Variants in CCDC91 observed in about 807,000 individuals in gnomAD.
CCDC91 encodes the protein coiled-coil domain-containing protein 91.
CCDC91 carries 48 observed loss-of-function variants against 63.2 expected under a neutral mutation model. That is an observed-to-expected ratio of 0.76 (90% CI 0.60 to 0.97). CCDC91 has a LOEUF of 0.97. Among genes scored for constraint, CCDC91 ranks in the 50% least tolerant of loss-of-function variants. The pLI is 0.00. For synonymous variants in CCDC91, 167 were observed against 165.8 expected, an observed-to-expected ratio of 1.01 and a Z score of -0.06; for missense variants, 500 against 494.6, an observed-to-expected ratio of 1.01 and a Z score of -0.10.
intron 1 of CCDC91, among the ~76,000 whole-genome samples, chr12:28,218,140 A>G (rs1326889879): frequency 2.0e-5 from 3 of 152,030 alleles, no homozygotes; most frequent in Admixed American, 6.5e-5. Context: ...CACATTGCAC[A>G]TCTTTTTCCC....
At chr12:28,210,890 G>A (rs1232814016) in intron 1 of CCDC91, among the ~76,000 whole-genome samples, 2 of 151,918 alleles carry the variant, frequency 1.3e-5, no homozygotes, top group African/African-American at 4.8e-5. Flanking sequence ...TAGTTACAAA[G>A]TCAAGCTTCC....
chr12:28,389,965 T>C (rs1293973722), intron 7 of CCDC91, among the ~76,000 whole-genome samples: 1 of 152,162 alleles, frequency 6.6e-6, no homozygotes, highest in Non-Finnish European at 1.5e-5. Flanking sequence ...TTGTGGAATC[T>C]TTGGAAGACA....
At chr12:28,545,914 G>A (rs1942958089) in intron 12 of CCDC91, among the ~76,000 whole-genome samples, 1 of 152,048 alleles carries the variant, frequency 6.6e-6, no homozygotes, top group South Asian at 2.1e-4. Flanking sequence ...CTCAAAAGGA[G>A]AAAAGTTTCT....
At chr12:28,277,506 A>G (rs1307963472) in intron 3 of CCDC91, among the ~76,000 whole-genome samples, 1 of 152,026 alleles carries the variant, frequency 6.6e-6, no homozygotes, top group Non-Finnish European at 1.5e-5. Context: ...AAAATCCAAA[A>G]CTTACATGAT....
chr12:28,513,116 T>C (rs1258629609), intron 12 of CCDC91, among the ~76,000 whole-genome samples: 1 of 151,862 alleles, frequency 6.6e-6, no homozygotes, highest in Non-Finnish European at 1.5e-5. Context: ...AAGTCATAGA[T>C]CCTCAGCTAT....
intron 1 of CCDC91, among the ~76,000 whole-genome samples, chr12:28,220,373 A>C (rs1296727882): frequency 6.6e-6 from 1 of 152,132 alleles, no homozygotes; most frequent in African/African-American, 2.4e-5. Flanking sequence ...TAAGAACTTC[A>C]CAACAATATG....
intron 6 of CCDC91, among the ~76,000 whole-genome samples, chr12:28,335,332 T>A (rs538337554): frequency 2.9e-5 from 4 of 135,634 alleles, no homozygotes; most frequent in African/African-American, 8.0e-5. Flanking sequence ...TATAATATAT[T>A]ATAAATATTT....
intron 1 of CCDC91, among the ~76,000 whole-genome samples, chr12:28,241,284 C>G (rs1945318866): frequency 6.6e-6 from 1 of 152,128 alleles, no homozygotes; most frequent in East Asian, 1.9e-4. Flanking sequence ...TAAACCATAT[C>G]CTTGGTCATA....
intron 12 of CCDC91, among the ~76,000 whole-genome samples, chr12:28,487,814 G>T (rs1951803397): frequency 1.3e-5 from 2 of 151,636 alleles, no homozygotes; most frequent in South Asian, 4.2e-4. Flanking sequence ...CTTGTATTAG[G>T]TCCTACCTTT....
At chr12:28,288,733 C>T (rs1253091421) in intron 3 of CCDC91, among the ~76,000 whole-genome samples, 1 of 152,088 alleles carries the variant, frequency 6.6e-6, no homozygotes, top group Non-Finnish European at 1.5e-5. Context: ...TCCTCAGTTT[C>T]TTGGAATAGT....
intron 12 of CCDC91, among the ~76,000 whole-genome samples, chr12:28,514,257 C>A (rs1258459430): frequency 6.6e-6 from 1 of 151,918 alleles, no homozygotes; most frequent in African/African-American, 2.4e-5. Flanking sequence ...ACATGTATGT[C>A]TTCTTTTGAA....
chr12:28,519,317 T>G (rs1270145885), intron 12 of CCDC91, among the ~76,000 whole-genome samples: 3 of 151,978 alleles, frequency 2.0e-5, no homozygotes, highest in Non-Finnish European at 4.4e-5. Context: ...TGTTTTGTTT[T>G]GTTTGCAGCT....
At chr12:28,333,659 C>T (rs1163267095) in intron 6 of CCDC91, among the ~76,000 whole-genome samples, 1 of 152,062 alleles carries the variant, frequency 6.6e-6, no homozygotes, top group Non-Finnish European at 1.5e-5. Flanking sequence ...CTCAGGGAAT[C>T]TCGGCTTTCA....
intron 3 of CCDC91, among the ~76,000 whole-genome samples, chr12:28,276,111 G>T (rs916035816): frequency 6.6e-6 from 1 of 151,940 alleles, no homozygotes; most frequent in Non-Finnish European, 1.5e-5. Context: ...TTTTTTCTTA[G>T]ATCCATGACC....
At chr12:28,297,524 C>G (rs1458031242) in intron 3 of CCDC91, among the ~76,000 whole-genome samples, 1 of 151,874 alleles carries the variant, frequency 6.6e-6, no homozygotes, top group Non-Finnish European at 1.5e-5. Flanking sequence ...TTCTCTAAAT[C>G]TTAGAACACC....
At chr12:28,378,037 T>C (rs11049564) in intron 7 of CCDC91, among the ~76,000 whole-genome samples, 4 of 152,024 alleles carry the variant, frequency 2.6e-5, no homozygotes, top group African/African-American at 7.2e-5. Flanking sequence ...AATATTAGGG[T>C]ATTGAATTAG....
At chr12:28,493,850 C>T (rs115096308) in intron 12 of CCDC91, among the ~76,000 whole-genome samples, 2,297 of 151,676 alleles carry the variant, frequency 0.015, 67 homozygotes, top group African/African-American at 0.053. Context: ...TTGCTGAGAG[C>T]GTGATTGGTC....
At position 28,193,848 on chromosome 12, in the gene CCDC91, T is replaced by G. The variant is rs182710451; in HGVS notation, c.-15+3207T>G. On this transcript the variant is annotated intron_variant, in intron 1 of 12. Coordinates refer to ENST00000536442, the MANE Select transcript of CCDC91 (RefSeq NM_018318.5). ...TGCTATTATTTGCCATCTGTGTATC[T>G]TCTTTGATTAAGTGTCTGCTGAAAT... 1.2e-3 allele frequency among the ~76,000 whole-genome samples: 169 copies of G among 139,704 alleles called. 3 individuals carry two copies. The highest frequency in any genetic ancestry group is 4.3e-3 in the African/African-American group (163 of 38,180). The allele number at this position is 139,704 out of a possible 152,430, so 91.7% of individuals were successfully genotyped here.
chr12:28,271,620 C>A (rs1947772274), intron 3 of CCDC91, among the ~76,000 whole-genome samples: 1 of 151,446 alleles, frequency 6.6e-6, no homozygotes, highest in South Asian at 2.1e-4. Flanking sequence ...AATTTGATTG[C>A]TTTTTGGCCA....
Sources: gnomAD v4.1 joint callset for allele counts (sites outside exome capture counted in the v4.1 genomes callset) on GRCh38, gnomAD v4.1.1 for gene constraint, MANE v1.5 for transcripts, NCBI Gene and HGNC (gene_info 2026-07-23, HGNC 2026-07-21) for gene names.